Variants in FBXO33 observed in about 807,000 individuals in gnomAD.
The protein encoded by FBXO33 is F-box only protein 33.
FBXO33 carries 22 observed loss-of-function variants against 46.3 expected under a neutral mutation model. The ratio of observed to expected loss-of-function variants is 0.48; its 90% CI spans 0.34 to 0.68. The LOEUF is 0.68. Among genes scored for constraint, FBXO33 ranks in the 30% least tolerant of loss-of-function variants. The probability of loss-of-function intolerance (pLI) is 0.01; values close to 1 mark genes in which losing one functional copy is unlikely to be tolerated. For synonymous variants in FBXO33, 337 were observed against 291.3 expected, an observed-to-expected ratio of 1.16 and a Z score of -1.60; for missense variants, 692 against 708.8, an observed-to-expected ratio of 0.98 and a Z score of 0.27.
At chr14:39,421,552 C>A (rs1285548775) in intron 1 of FBXO33, among the ~76,000 whole-genome samples, 4 of 151,894 alleles carry the variant, frequency 2.6e-5, no homozygotes, top group Non-Finnish European at 2.9e-5. Flanking sequence ...TTATACGAAG[C>A]AGAAAAGTCA....
chr14:39,398,067 T>A lies in FBXO33; in HGVS notation c.*1449A>T, dbSNP rs545209896. The A allele has an allele frequency of 5.2e-5, 8 of 152,664 alleles. No individual in the cohort carries two copies. The highest frequency in any genetic ancestry group is 1.9e-4 in the African/African-American group (8 of 41,450). 9.5% of individuals were successfully genotyped at this position (152,664 alleles called of 1,614,324 possible). The stretch of plus-strand genomic sequence containing the variant: ...CCATTTGTAAAACACATATAAACTT[T>A]TTTCCATAAATAGAATCATATCTGG... On this transcript the variant is annotated 3_prime_UTR_variant, in exon 4 of 4. Coordinates refer to ENST00000298097, the MANE Select transcript of FBXO33 (RefSeq NM_203301.4).
chr14:39,405,324 T>C (rs1221377979), intron 1 of FBXO33, among the ~76,000 whole-genome samples: 2 of 152,092 alleles, frequency 1.3e-5, no homozygotes, highest in Non-Finnish European at 2.9e-5. Flanking sequence ...ATGGACAGCC[T>C]CAAGCTACAT....
chr14:39,428,350 C>A (rs2075526072), intron 1 of FBXO33, among the ~76,000 whole-genome samples: 1 of 152,024 alleles, frequency 6.6e-6, no homozygotes, highest in South Asian at 2.1e-4. Context: ...GGATTACAGG[C>A]ATGCACTGCC....
chr14:39,430,696 C>T (rs762849796), intron 1 of FBXO33, among the ~76,000 whole-genome samples: 5 of 152,036 alleles, frequency 3.3e-5, no homozygotes, highest in African/African-American at 1.2e-4. Context: ...CTAATAAGAG[C>T]TTTACTGTAA....
rs1215029022 is a variant in FBXO33, at chr14:39,399,531, G to A, written c.1653C>T (p.Phe551=). The change falls in exon 4 of 4, where the codon TTC becomes TTT. Residue 551 remains phenylalanine (F), a synonymous_variant. Coordinates refer to ENST00000298097, the MANE Select transcript of FBXO33 (RefSeq NM_203301.4). ...TAAAAAAAAGCTAAATGTCTTCACT[G>A]AAGCTTTGCATCTCTCTGTAAAAAT... ...NRHFYREMQS[F]SEDI 1 of 1,610,406 alleles carries A rather than the reference G, an allele frequency of 6.2e-7. No individual in the cohort carries two copies. The highest frequency in any genetic ancestry group is 8.5e-7 in the Non-Finnish European group (1 of 1,177,622).
rs574872160 is a variant in FBXO33, at chr14:39,402,083, T to C, written c.711-222A>G. 1.8e-4 allele frequency among the ~76,000 whole-genome samples: 28 copies of C among 152,342 alleles called. No homozygotes were observed. In the East Asian group the frequency reaches 4.0e-3, roughly 22 times the overall value. On this transcript the variant is annotated intron_variant, in intron 2 of 3. Transcript: ENST00000298097. ...AAGATCTATTAAACACGTAGAAATA[T>C]GTTCCTCATCCAAGAAAAGCACCAC...
In FBXO33 at chr14:39,431,548, C is replaced by A; in HGVS notation, c.599+16G>T. The A allele has an allele frequency of 6.2e-7, 1 of 1,609,344 alleles. No individual in the cohort carries two copies. Among genetic ancestry groups the A allele is most frequent in the South Asian group, 1.1e-5 (1 of 91,064 alleles). On this transcript the variant is annotated intron_variant, in intron 1 of 3. Coordinates refer to ENST00000298097, the MANE Select transcript of FBXO33 (RefSeq NM_203301.4). ...CCCCCCGTTACCGGGCGGGGCGGGGCTCAGGGCAAGCCTACCTGTTGTTCC... is the reference window on the plus strand; with the variant it reads ...CCCCCCGTTACCGGGCGGGGCGGGGATCAGGGCAAGCCTACCTGTTGTTCC...
chr14:39,431,676 C>T lies in FBXO33; in HGVS notation c.487G>A (p.Gly163Arg). 2 of 1,613,552 alleles carry T rather than the reference C, an allele frequency of 1.2e-6. No individual in the cohort carries two copies. The highest frequency in any genetic ancestry group is 2.2e-5 in the East Asian group (1 of 44,876). Residue 163 changes from glycine to arginine, a missense_variant, in exon 1 of 4, where the codon GGG (glycine) becomes AGG (arginine). By Grantham distance (125) the Gly-to-Arg change is moderately radical. This residue lies in a region of FBXO33 where 412 missense variants were observed against 370.8 expected (regional missense o/e 1.11). Coordinates refer to ENST00000298097, the MANE Select transcript of FBXO33 (RefSeq NM_203301.4). Reference protein sequence around the residue: ...GPGDGGGADTGTGGEEVEALQ... With the variant: ...GPGDGGGADTRTGGEEVEALQ... ...GCCTCGACTTCCTCCCCTCCAGTCCCGGTGTCCGCGCCACCTCCGTCCCCT... is the reference window on the plus strand; with the variant it reads ...GCCTCGACTTCCTCCCCTCCAGTCCTGGTGTCCGCGCCACCTCCGTCCCCT...
Position 39,412,354 on chromosome 14 carries a change from G to A in FBXO33, c.600-9843C>T, listed in dbSNP as rs539978193. 7.5e-4 allele frequency among the ~76,000 whole-genome samples: 114 copies of A among 152,082 alleles called. 1 individual carries two copies. Among genetic ancestry groups the A allele is most frequent in the Non-Finnish European group, 1.2e-3 (84 of 68,012 alleles). ...TTTTGACTTAAAGTCTATTTTCTAA[G>A]ATATAAGTATAGACACTCCTGCTCT... is the stretch of plus-strand genomic sequence containing the variant. On this transcript the variant is annotated intron_variant, in intron 1 of 3. Coordinates refer to ENST00000298097, the MANE Select transcript of FBXO33 (RefSeq NM_203301.4).
intron 1 of FBXO33, among the ~76,000 whole-genome samples, chr14:39,426,584 TC>T (rs1010074127): frequency 6.6e-4 from 101 of 152,252 alleles, no homozygotes; most frequent in African/African-American, 2.3e-3. Flanking sequence ...AATTCTTCCT[TC>T]TTCTACTTCT....
chr14:39,431,946 T>A lies in FBXO33; in HGVS notation c.217A>T (p.Ser73Cys). ...GAGAAGATGTGCACGATCAGCTCGC[T>A]GGGCAGCGACGCAGCGCCCGCCGCC... Reference protein sequence around the residue: ...GQAAGAASLPSELIVHIFSFL... With the variant: ...GQAAGAASLPCELIVHIFSFL... The change falls in exon 1 of 4, where the codon AGC (serine) becomes TGC (cysteine). Residue 73 changes from serine (S) to cysteine (C), a missense_variant. Ser to Cys is a moderately radical substitution (Grantham distance 112). Coordinates refer to ENST00000298097, the MANE Select transcript of FBXO33 (RefSeq NM_203301.4). 1 of 1,531,350 alleles carries A rather than the reference T, an allele frequency of 6.5e-7. No individual in the cohort carries two copies. Among genetic ancestry groups the A allele is most frequent in the East Asian group, 2.5e-5 (1 of 40,806 alleles). 94.9% of individuals were successfully genotyped at this position (1,531,350 alleles called of 1,614,324 possible). A position where few individuals can be genotyped will look rare whatever the true frequency, so the allele number is the denominator to read the frequency against.
chr14:39,430,886 GC>G (rs2075541505), intron 1 of FBXO33, among the ~76,000 whole-genome samples: 1 of 152,040 alleles, frequency 6.6e-6, no homozygotes, highest in Admixed American at 6.6e-5. Context: ...GCAGACCCTG[GC>G]CAACTCCCTC....
At chr14:39,403,573 C>G (rs1256452459) in intron 1 of FBXO33, among the ~76,000 whole-genome samples, 3 of 152,060 alleles carry the variant, frequency 2.0e-5, no homozygotes, top group African/African-American at 4.8e-5. Context: ...AACTAGAAAA[C>G]TATGTTAAAA....
chr14:39,401,113 T>C (rs1409077252), intron 3 of FBXO33, 63 bp downstream of exon 3: 3 of 1,443,142 alleles, frequency 2.1e-6, no homozygotes, highest in East Asian at 2.3e-5. Context: ...GCTATCTCTT[T>C]ACTGGCAGAA....
At chr14:39,418,584 G>C (rs1280057708) in intron 1 of FBXO33, among the ~76,000 whole-genome samples, 3 of 150,274 alleles carry the variant, frequency 2.0e-5, no homozygotes, top group African/African-American at 7.3e-5. Context: ...GACCATCCTG[G>C]CTAACAAGGT....
In FBXO33 at chr14:39,432,096, G is replaced by A. The variant is rs2075563024; in HGVS notation, c.67C>T (p.Arg23Trp). Residue 23 changes from arginine (R) to tryptophan (W), a missense_variant, in exon 1 of 4, where the codon CGG (arginine) becomes TGG (tryptophan). By Grantham distance (101) the Arg-to-Trp change is moderately radical (BLOSUM62 -3). Transcript: ENST00000298097. ...PGARTRAGAA[R>W]VARWRRLRLQ... ...CGCAGCCGCCGCCACCGCGCCACCC[G>A]GGCGGCCCCGGCTCGGGTTCGAGCT... 2.4e-6 allele frequency: 3 copies of A among 1,241,934 alleles called. No individual in the cohort carries two copies. The highest frequency in any genetic ancestry group is 2.0e-6 in the Non-Finnish European group (2 of 995,948). 76.9% of individuals were successfully genotyped at this position (1,241,934 alleles called of 1,614,324 possible).
intron 1 of FBXO33, among the ~76,000 whole-genome samples, chr14:39,415,232 G>A (rs1283261126): frequency 1.3e-5 from 2 of 152,006 alleles, no homozygotes; most frequent in Non-Finnish European, 2.9e-5. Context: ...CAGGAGGTGA[G>A]GCTGCCATTA....
chr14:39,429,309 T>C (rs1463067522), intron 1 of FBXO33, among the ~76,000 whole-genome samples: 2 of 152,216 alleles, frequency 1.3e-5, no homozygotes, highest in Non-Finnish European at 2.9e-5. Context: ...CCCTCTTTTC[T>C]ACTTATAGAA....
rs551901929 is a variant in FBXO33 at position 39,430,194 on chromosome 14, T to C, written c.599+1370A>G. ...CTCTGAGAAAGTCTCTAACCTAATC[T>C]GTTTTTAGCTTCAATGGCCTCTCCT... On this transcript the variant is annotated intron_variant, in intron 1 of 3. Coordinates refer to ENST00000298097, the MANE Select transcript of FBXO33 (RefSeq NM_203301.4). 2.8e-4 allele frequency among the ~76,000 whole-genome samples: 43 copies of C among 152,324 alleles called. No homozygotes were observed. In the South Asian group the frequency reaches 8.9e-3, roughly 32 times the overall value.
Sources: gnomAD v4.1 joint callset for allele counts (sites outside exome capture counted in the v4.1 genomes callset) on GRCh38, gnomAD v4.1.1 for gene constraint, gnomAD v4.1.1 regional missense constraint, MANE v1.5 for transcripts, NCBI Gene and HGNC (gene_info 2026-07-23, HGNC 2026-07-21) for gene names.